The following MAGI1 variants were observed in gnomAD, a reference collection of about 807,000 sequenced individuals.
MAGI1 encodes the protein membrane associated guanylate kinase, WW and PDZ domain containing 1.
Under a neutral mutation model 139.9 loss-of-function variants are expected in MAGI1, and 58 were observed. The observed-to-expected ratio is 0.41, with a 90% CI of 0.34 to 0.52. The LOEUF (loss-of-function observed/expected upper bound fraction) is 0.52. MAGI1 is among the 20% of genes least tolerant of loss of function. The pLI is 0.12. For missense variants in MAGI1, 1,874 were observed against 1,901.6 expected, an observed-to-expected ratio of 0.99 and a Z score of 0.27; for synonymous variants, 812 against 737.9, an observed-to-expected ratio of 1.10 and a Z score of -1.63.
chr3:65,549,174 C>T (rs1019109071), intron 2 of MAGI1, among the ~76,000 whole-genome samples: 4 of 152,090 alleles, frequency 2.6e-5, no homozygotes, highest in African/African-American at 7.2e-5. Flanking sequence ...GGGACGCGAC[C>T]GCCAGCCTGG....
chr3:65,847,353 T>C (rs941006910), intron 1 of MAGI1, among the ~76,000 whole-genome samples: 2 of 152,164 alleles, frequency 1.3e-5, no homozygotes, highest in South Asian at 4.1e-4. Context: ...AGGTTTCTAT[T>C]TCTTTTCTGG....
At chr3:65,975,054 C>A (rs2065197719) in intron 1 of MAGI1, among the ~76,000 whole-genome samples, 1 of 148,980 alleles carries the variant, frequency 6.7e-6, no homozygotes, top group African/African-American at 2.5e-5. Context: ...TCAAATCATT[C>A]ATATTATGTT....
chr3:65,611,462 GTATA>G (rs2083106404), intron 2 of MAGI1, among the ~76,000 whole-genome samples: 1 of 143,110 alleles, frequency 7.0e-6, no homozygotes, highest in Non-Finnish European at 1.5e-5. Flanking sequence ...TGTTTATACT[GTATA>G]TATACTATAC....
intron 1 of MAGI1, among the ~76,000 whole-genome samples, chr3:66,029,158 G>A (rs1247927233): frequency 1.3e-5 from 2 of 152,160 alleles, no homozygotes; most frequent in Non-Finnish European, 2.9e-5. Context: ...CTTCACCCAA[G>A]CCAACCTTGG....
intron 1 of MAGI1, among the ~76,000 whole-genome samples, chr3:65,741,882 G>A (rs931270507): frequency 6.6e-6 from 1 of 152,182 alleles, no homozygotes; most frequent in Non-Finnish European, 1.5e-5. Context: ...TAATCCCCAC[G>A]ACCAATTTTA....
chr3:65,787,297 A>G (rs1000732534), intron 1 of MAGI1, among the ~76,000 whole-genome samples: 3 of 152,098 alleles, frequency 2.0e-5, no homozygotes, highest in Non-Finnish European at 4.4e-5. Flanking sequence ...CCTCGAGTTT[A>G]TAAGCCACTG....
intron 2 of MAGI1, among the ~76,000 whole-genome samples, chr3:65,509,934 T>A (rs960433210): frequency 2.6e-5 from 4 of 152,126 alleles, no homozygotes; most frequent in Non-Finnish European, 5.9e-5. Context: ...GGAGTGGTTC[T>A]CCCAGCACGC....
chr3:65,635,517 A>G lies in MAGI1; in HGVS notation c.314-13429T>C, dbSNP rs571786315. 2.0e-5 allele frequency among the ~76,000 whole-genome samples: 3 copies of G among 152,376 alleles called. No homozygotes were observed. The East Asian group carries it at 5.8e-4, about 29-fold the overall frequency. On this transcript the variant is annotated intron_variant, in intron 1 of 22. Transcript: ENST00000402939. ...TCAATGCCTACCATATGAAGAAACCAAGAGAGTGACATCTGAATGGCACAG... is the reference window on the plus strand; with the variant it reads ...TCAATGCCTACCATATGAAGAAACCGAGAGAGTGACATCTGAATGGCACAG...
intron 2 of MAGI1, among the ~76,000 whole-genome samples, chr3:65,594,481 G>A (rs961801222): frequency 6.6e-6 from 1 of 152,286 alleles, no homozygotes; most frequent in Middle Eastern, 3.4e-3. Flanking sequence ...AAGCCTAAAA[G>A]TCATCAACAG....
chr3:65,624,083 GTAAC>G (rs1310865679), intron 1 of MAGI1, among the ~76,000 whole-genome samples: 4 of 152,176 alleles, frequency 2.6e-5, no homozygotes, highest in Admixed American at 1.3e-4. Flanking sequence ...ATCCCACTAA[GTAAC>G]TACTTGAATA....
rs768890841 is a variant in MAGI1, at chr3:65,448,069, G to C, written c.1043-12C>G. The C allele has an allele frequency of 1.9e-6, 3 of 1,613,766 alleles. No individual in the cohort carries two copies. Among genetic ancestry groups the C allele is most frequent in the Non-Finnish European group, 2.5e-6 (3 of 1,179,756 alleles). On this transcript the variant is annotated splice_polypyrimidine_tract_variant and intron_variant, in intron 6 of 22. Transcript: ENST00000402939. ...GGTGTGTACCCCTTCTTCTCCAAAGGAATAGCAGGAATGAGACAGAAAAGA... is the reference window on the plus strand; with the variant it reads ...GGTGTGTACCCCTTCTTCTCCAAAGCAATAGCAGGAATGAGACAGAAAAGA...
intron 1 of MAGI1, among the ~76,000 whole-genome samples, chr3:65,694,928 GTGTA>G (rs1559794780): frequency 6.6e-6 from 1 of 151,922 alleles, no homozygotes; most frequent in Non-Finnish European, 1.5e-5. Flanking sequence ...CTTTTTTTGT[GTGTA>G]TGTATTAGCC....
intron 2 of MAGI1, among the ~76,000 whole-genome samples, chr3:65,548,509 C>CTTTTTTTTTTTTTTTTTTTTTTT (rs1306099660): frequency 2.6e-5 from 3 of 117,368 alleles, no homozygotes; most frequent in African/African-American, 3.5e-5. Flanking sequence ...GCAAACAACA[C>CTTTTTTTTTTTTTTTTTTTTTTT]TCTTTTTTTT....
chr3:65,769,591 G>A (rs1233849046), intron 1 of MAGI1, among the ~76,000 whole-genome samples: 1 of 152,178 alleles, frequency 6.6e-6, no homozygotes, highest in African/African-American at 2.4e-5. Context: ...CAATTTCACA[G>A]CATTTCAAGG....
chr3:65,911,675 C>G (rs1467376574), intron 1 of MAGI1, among the ~76,000 whole-genome samples: 1 of 152,196 alleles, frequency 6.6e-6, no homozygotes, highest in African/African-American at 2.4e-5. Flanking sequence ...TAACCGCTCT[C>G]TCTTCAAAAC....
At chr3:65,713,609 T>C (rs1206924961) in intron 1 of MAGI1, among the ~76,000 whole-genome samples, 2 of 152,124 alleles carry the variant, frequency 1.3e-5, no homozygotes, top group Admixed American at 1.3e-4. Context: ...CAGAGATACA[T>C]AATAGTTAAG....
chr3:65,440,825 A>C (rs1479644840), intron 8 of MAGI1, among the ~76,000 whole-genome samples: 1 of 118,078 alleles, frequency 8.5e-6, no homozygotes, highest in African/African-American at 2.8e-5. Context: ...ATATGTGTAC[A>C]TGTATACATA....
intron 1 of MAGI1, among the ~76,000 whole-genome samples, chr3:65,917,535 A>T (rs2061962166): frequency 6.6e-6 from 1 of 152,236 alleles, no homozygotes; most frequent in African/African-American, 2.4e-5. Context: ...GCAATTACCA[A>T]GTCATCCTTC....
chr3:65,769,470 G>C (rs114897644), intron 1 of MAGI1, among the ~76,000 whole-genome samples: 11,343 of 152,112 alleles, frequency 0.075, 484 homozygotes, highest in African/African-American at 0.1. Flanking sequence ...GTCTGGGCAA[G>C]AGAGCAAGAC....
Sources: gnomAD v4.1 joint callset for allele counts (sites outside exome capture counted in the v4.1 genomes callset) on GRCh38, gnomAD v4.1.1 for gene constraint, MANE v1.5 for transcripts, NCBI Gene and HGNC (gene_info 2026-07-23, HGNC 2026-07-21) for gene names.